The following ITGB3BP variants were observed in gnomAD, a reference collection of about 807,000 sequenced individuals.
ITGB3BP encodes centromere protein R.
In ITGB3BP, 27 loss-of-function variants were observed where a neutral mutation model predicts 29.1. The observed-to-expected ratio is 0.93, with a 90% CI of 0.68 to 1.28. The LOEUF is 1.28. Ranked by LOEUF, ITGB3BP falls within the 50% of genes most tolerant of loss-of-function variation. ITGB3BP has a pLI of 0.00. For missense variants in ITGB3BP, 192 were observed against 200.2 expected, an observed-to-expected ratio of 0.96 and a Z score of 0.25; for synonymous variants, 61 against 61.4, an observed-to-expected ratio of 0.99 and a Z score of 0.03.
At chr1:63,518,840 C>T (rs1646390932) in intron 1 of ITGB3BP, among the ~76,000 whole-genome samples, 1 of 152,082 alleles carries the variant, frequency 6.6e-6, no homozygotes, top group Non-Finnish European at 1.5e-5. Flanking sequence ...TATATCATTT[C>T]AATTCCTCTA....
chr1:63,504,970 CTCT>C (rs1293400299), intron 2 of ITGB3BP, among the ~76,000 whole-genome samples: 4 of 152,066 alleles, frequency 2.6e-5, no homozygotes, highest in African/African-American at 9.7e-5. Flanking sequence ...GTCTAAAATT[CTCT>C]TTTTTTGCTG....
At chr1:63,516,752 A>C (rs1646340292) in intron 1 of ITGB3BP, among the ~76,000 whole-genome samples, 1 of 151,874 alleles carries the variant, frequency 6.6e-6, no homozygotes, top group Non-Finnish European at 1.5e-5. Context: ...AAAGAAAAGC[A>C]AATACCACAT....
In ITGB3BP at chr1:63,454,936, A is replaced by C. The variant is rs762007500; in HGVS notation, c.287T>G (p.Leu96Trp). 1 of 1,571,150 alleles carries C rather than the reference A, an allele frequency of 6.4e-7. No individual in the cohort carries two copies. The highest frequency in any genetic ancestry group is 1.1e-5 in the South Asian group (1 of 89,906). ...FMMLLSKVEK[L>W]SEEIMEIMQN... ...CATTATCTCCATGATTTCTTCTGAC[A>C]ATTTCTCAACTTTTGATAGCAACAT... Residue 96 changes from leucine (L) to tryptophan (W), a missense_variant, in exon 5 of 9, where the codon TTG (leucine) becomes TGG (tryptophan). Coordinates refer to ENST00000271002, the MANE Select transcript of ITGB3BP (RefSeq NM_014288.5). This position sits in a 1 kb window ranked among gnomAD's most constrained non-coding sequence, Gnocchi z 4.1.
At chr1:63,473,066 T>C (rs1368583642) in intron 4 of ITGB3BP, among the ~76,000 whole-genome samples, 1 of 151,534 alleles carries the variant, frequency 6.6e-6, no homozygotes, top group Non-Finnish European at 1.5e-5. Context: ...ATCTAGGAAG[T>C]GAGGAGCGTC....
chr1:63,527,973 G>A (rs577329735), upstream of ITGB3BP: 10 of 152,312 alleles, frequency 6.6e-5, no homozygotes, highest in Non-Finnish European at 1.3e-4. Flanking sequence ...CTCTTACACT[G>A]TTGGTAGGAA....
At chr1:63,496,657 A>G (rs1645796021) in intron 2 of ITGB3BP, among the ~76,000 whole-genome samples, 1 of 152,218 alleles carries the variant, frequency 6.6e-6, no homozygotes, top group Non-Finnish European at 1.5e-5. Context: ...CACAAAAAAC[A>G]GCTACTTGGA....
intron 3 of ITGB3BP, among the ~76,000 whole-genome samples, chr1:63,480,587 TTAA>T (rs1426755402): frequency 2.0e-5 from 3 of 152,000 alleles, no homozygotes; most frequent in Admixed American, 1.3e-4. Flanking sequence ...CAGAAACTGA[TTAA>T]TAATAATTCC....
intron 4 of ITGB3BP, among the ~76,000 whole-genome samples, chr1:63,477,624 G>A (rs1645363806): frequency 1.3e-5 from 2 of 152,160 alleles, no homozygotes; most frequent in South Asian, 2.1e-4. Context: ...GGAGGCTGAG[G>A]TGGGAGGATT....
chr1:63,475,698 C>T (rs543878304), intron 4 of ITGB3BP, among the ~76,000 whole-genome samples: 1 of 152,056 alleles, frequency 6.6e-6, no homozygotes, highest in African/African-American at 2.4e-5. Flanking sequence ...ATGAAAAAAA[C>T]AATCAGAAAT....
chr1:63,461,734 C>T (rs886262503), intron 4 of ITGB3BP, among the ~76,000 whole-genome samples: 3 of 152,198 alleles, frequency 2.0e-5, no homozygotes. Flanking sequence ...ATTCTTTCTC[C>T]ATTAAATAAA....
Position 63,447,054 on chromosome 1 carries a change from A to T in ITGB3BP, c.485-198T>A, listed in dbSNP as rs796928810. ...AGCCTGATTCTATTTCAGAATATAC[A>T]TTTTCAAATTTATTACGAAAACTTC... On this transcript the variant is annotated intron_variant, in intron 7 of 8. Transcript: ENST00000271002. The T allele has an allele frequency of 2.6e-5, 14 of 545,216 alleles. No homozygotes were observed. The African/African-American group carries it at 2.6e-4, about 10-fold the overall frequency. 33.8% of individuals were successfully genotyped at this position (545,216 alleles called of 1,614,324 possible).
intron 8 of ITGB3BP, 25 bp downstream of exon 8, chr1:63,446,781 C>T: frequency 6.5e-7 from 1 of 1,544,946 alleles, no homozygotes; most frequent in Non-Finnish European, 8.9e-7. Flanking sequence ...CAAGGTTAAA[C>T]TAAATTAGAA....
At chr1:63,500,149 G>A (rs1478914360) in intron 2 of ITGB3BP, among the ~76,000 whole-genome samples, 20 of 152,204 alleles carry the variant, frequency 1.3e-4, no homozygotes, top group Non-Finnish European at 5.9e-5. Flanking sequence ...AGGCCCAGAC[G>A]GGCGGATCAC....
rs565126646 is a variant in ITGB3BP at position 63,508,079 on chromosome 1, G to T, written c.48+449C>A. Reference sequence around the variant, plus strand: ...CAATTTATTACGGTGTTAGTATTATGCTGTTTAATCCATGCCAGCATAGCT... The same window carrying T: ...CAATTTATTACGGTGTTAGTATTATTCTGTTTAATCCATGCCAGCATAGCT... On this transcript the variant is annotated intron_variant, in intron 2 of 8. Coordinates refer to ENST00000271002, the MANE Select transcript of ITGB3BP (RefSeq NM_014288.5). Among the ~76,000 whole-genome samples, 6 of 152,228 alleles carry T rather than the reference G, an allele frequency of 3.9e-5. No individual in the cohort carries two copies. In the East Asian group the frequency reaches 1.2e-3, roughly 29 times the overall value.
At chr1:63,498,740 C>T (rs953567417) in intron 2 of ITGB3BP, among the ~76,000 whole-genome samples, 1 of 149,060 alleles carries the variant, frequency 6.7e-6, no homozygotes. Flanking sequence ...GAAAAAACAA[C>T]AGATATTAGT....
At chr1:63,526,769 A>ATT (rs952440207), upstream of ITGB3BP, among the ~76,000 whole-genome samples, 1 of 147,608 alleles carries the variant, frequency 6.8e-6, no homozygotes, top group Non-Finnish European at 1.5e-5. Flanking sequence ...CATCCAATAA[A>ATT]TTTTTTTTTT....
chr1:63,490,252 C>T, intron 2 of ITGB3BP, 34 bp from the exon 3 acceptor site: 1 of 1,441,928 alleles, frequency 6.9e-7, no homozygotes, highest in African/African-American at 1.4e-5. Flanking sequence ...ACAGAAATAG[C>T]TATGTTTAGT....
chr1:63,470,373 A>AT lies in ITGB3BP; in HGVS notation c.254+8390dup, dbSNP rs199994968. Among the ~76,000 whole-genome samples, 938 of 152,368 alleles carry AT rather than the reference A, an allele frequency of 6.2e-3. 9 individuals are homozygous for AT. In the Middle Eastern group the frequency reaches 0.068, roughly 11 times the overall value. ...AATAAAAGAAGAGACAAGGGTACAC[A>AT]TAAGTGTACAGCTCATTCAATTGCA... On this transcript the variant is annotated intron_variant, in intron 4 of 8. Coordinates refer to ENST00000271002, the MANE Select transcript of ITGB3BP (RefSeq NM_014288.5).
At chr1:63,525,470 G>T, upstream of ITGB3BP, 1 of 942,882 alleles carries the variant, frequency 1.1e-6, no homozygotes, top group Non-Finnish European at 1.5e-6. Flanking sequence ...TTTCTTCTAT[G>T]TATAAAATCT....
Sources: allele counts gnomAD v4.1 joint callset (sites outside exome capture counted in the v4.1 genomes callset), GRCh38; gene constraint gnomAD v4.1.1; non-coding constraint Gnocchi (gnomAD v3.1); transcripts MANE v1.5; gene names NCBI Gene and HGNC (gene_info 2026-07-23, HGNC 2026-07-21).